The following CLUAP1 variants were observed in gnomAD, a reference collection of about 807,000 sequenced individuals.
CLUAP1 encodes the protein intraflagellar transport 38.
A neutral mutation model predicts 55.0 loss-of-function variants in CLUAP1; 50 were observed. That is an observed-to-expected ratio of 0.91 (90% confidence interval 0.72 to 1.15). The LOEUF (loss-of-function observed/expected upper bound fraction) is 1.15. Among genes scored for constraint, CLUAP1 ranks in the 50% most tolerant of loss-of-function variants. The pLI is 0.00. For synonymous variants in CLUAP1, 195 were observed against 175.4 expected (o/e 1.11, Z -0.88); for missense variants, 530 against 507.6 (o/e 1.04, Z -0.42).
chr16:3,530,245 A>G (rs1046321140), intron 9 of CLUAP1, among the ~76,000 whole-genome samples: 1 of 152,058 alleles, frequency 6.6e-6, no homozygotes, highest in Non-Finnish European at 1.5e-5. Flanking sequence ...TTGGGATTTA[A>G]GTTTCCAACA....
At chr16:3,532,652 C>A in intron 10 of CLUAP1, 134 bp from the exon 11 acceptor site, 1 of 843,968 alleles carries the variant, frequency 1.2e-6, no homozygotes, top group East Asian at 2.6e-5. Flanking sequence ...TCCTGGCCTC[C>A]TGTCTCAGCC....
chr16:3,510,839 C>T (rs943179453), intron 4 of CLUAP1, among the ~76,000 whole-genome samples: 1 of 152,234 alleles, frequency 6.6e-6, no homozygotes, highest in African/African-American at 2.4e-5. Context: ...TCTGCACATG[C>T]TCCATTTGCC....
chr16:3,535,813 G>A (rs540769285), intron 11 of CLUAP1: 3 of 297,874 alleles, frequency 1.0e-5, no homozygotes, highest in African/African-American at 6.4e-5. Flanking sequence ...TCTGTAGGGG[G>A]AGTCTCTAGG....
chr16:3,529,645 A>G (rs1596403445), intron 9 of CLUAP1, among the ~76,000 whole-genome samples: 1 of 24,888 alleles, frequency 4.0e-5, no homozygotes, highest in Non-Finnish European at 5.6e-5. Flanking sequence ...ATTATATATT[A>G]TATATTATTA....
intron 9 of CLUAP1, among the ~76,000 whole-genome samples, chr16:3,529,805 T>TA (rs1266613669): frequency 3.7e-5 from 1 of 27,102 alleles, no homozygotes. Context: ...TATATTATTA[T>TA]ATATATATTA....
At chr16:3,531,317 G>A (rs1246800424) in intron 10 of CLUAP1, among the ~76,000 whole-genome samples, 1 of 152,028 alleles carries the variant, frequency 6.6e-6, no homozygotes, top group Non-Finnish European at 1.5e-5. Flanking sequence ...TCAAGAGATC[G>A]AGACCATCCT....
In CLUAP1 at chr16:3,508,422, T is replaced by C. The variant is rs184112939; in HGVS notation, c.353T>C (p.Ile118Thr). Reference sequence around the variant, plus strand: ...ACCAAGGGGATGGAGGGCTCTGAAATAGTAGAGGAAGATGTCAACAAGTTC... The same window carrying C: ...ACCAAGGGGATGGAGGGCTCTGAAACAGTAGAGGAAGATGTCAACAAGTTC... ...MKTKGMEGSE[I>T]VEEDVNKFKF... Residue 118 changes from isoleucine to threonine, a missense_variant, in exon 4 of 12, where the codon ATA becomes ACA. Transcript: ENST00000576634. 1.5e-4 allele frequency: 232 copies of C among 1,590,642 alleles called. No individual in the cohort carries two copies. The highest frequency in any genetic ancestry group is 1.9e-4 in the Non-Finnish European group (222 of 1,174,328).
At chr16:3,523,402 C>A in intron 8 of CLUAP1, 103 bp downstream of exon 8, 1 of 1,323,746 alleles carries the variant, frequency 7.6e-7, no homozygotes, top group Non-Finnish European at 1.0e-6. Flanking sequence ...AATATCAGTA[C>A]ATGTTTTTTC....
At chr16:3,501,777 C>CA (rs934863273) in intron 1 of CLUAP1, among the ~76,000 whole-genome samples, 1 of 150,420 alleles carries the variant, frequency 6.6e-6, no homozygotes, top group Non-Finnish European at 1.5e-5. Flanking sequence ...TCTCAAAAAA[C>CA]AAAAAACAAA....
chr16:3,513,452 A>T (rs2037671200), intron 5 of CLUAP1, among the ~76,000 whole-genome samples: 1 of 151,466 alleles, frequency 6.6e-6, no homozygotes, highest in Admixed American at 6.6e-5. Context: ...TTATTTTTTT[A>T]ATTTTGTTAT....
chr16:3,500,916 C>T (rs2151036719), upstream of CLUAP1: 2 of 802,788 alleles, frequency 2.5e-6, no homozygotes, highest in South Asian at 1.6e-5. Flanking sequence ...TGCGTATGCA[C>T]GTGCCGCCGC....
At chr16:3,498,367 T>C (rs149643610), upstream of CLUAP1, among the ~76,000 whole-genome samples, 352 of 152,204 alleles carry the variant, frequency 2.3e-3, 5 homozygotes, top group African/African-American at 7.7e-3. Flanking sequence ...TGAAAAATAA[T>C]GTTTTACCAG....
rs1443424622 is a variant in CLUAP1, at chr16:3,537,775, G to A, written c.*1504G>A. ...GCACTTTGAGAGGCTGAGGTGGGTAGATCACCTGAGGTCAGGGGTTTGAGA... is the reference window on the plus strand; with the variant it reads ...GCACTTTGAGAGGCTGAGGTGGGTAAATCACCTGAGGTCAGGGGTTTGAGA... On this transcript the variant is annotated 3_prime_UTR_variant, in exon 12 of 12. Coordinates refer to ENST00000576634, the MANE Select transcript of CLUAP1 (RefSeq NM_015041.3). 1 of 151,828 alleles carries A rather than the reference G, an allele frequency of 6.6e-6. No individual in the cohort carries two copies. Among genetic ancestry groups the A allele is most frequent in the African/African-American group, 2.4e-5 (1 of 41,106 alleles). 9.4% of individuals were successfully genotyped at this position (151,828 alleles called of 1,614,324 possible). A position where few individuals can be genotyped will look rare whatever the true frequency, so the allele number is the denominator to read the frequency against.
chr16:3,505,326 C>G (rs1269744797), intron 2 of CLUAP1, among the ~76,000 whole-genome samples: 1 of 152,086 alleles, frequency 6.6e-6, no homozygotes, highest in Non-Finnish European at 1.5e-5. Context: ...GTCAGGAGAT[C>G]AAGACCATCC....
intron 8 of CLUAP1, among the ~76,000 whole-genome samples, chr16:3,526,186 T>A (rs1426649483): frequency 1.3e-5 from 2 of 152,154 alleles, no homozygotes; most frequent in Admixed American, 1.3e-4. Context: ...TGCTTCACTC[T>A]GGGCGCCCCT....
At chr16:3,506,287 C>T in intron 2 of CLUAP1, 44 bp from the exon 3 acceptor site, 1 of 1,494,658 alleles carries the variant, frequency 6.7e-7, no homozygotes, top group Non-Finnish European at 9.3e-7. Flanking sequence ...AGTAGACTTT[C>T]TCCTTGGTTA....
At chr16:3,506,533 G>C (rs2151043049) in intron 3 of CLUAP1, 118 bp downstream of exon 3, 2 of 824,308 alleles carry the variant, frequency 2.4e-6, no homozygotes, top group East Asian at 2.6e-5. Flanking sequence ...TTTTGAGATG[G>C]AGTCTCATTC....
chr16:3,498,742 C>T (rs1343155109), upstream of CLUAP1, among the ~76,000 whole-genome samples: 2 of 152,066 alleles, frequency 1.3e-5, no homozygotes, highest in East Asian at 1.9e-4. Context: ...CGCCTGTAGT[C>T]CCAGCTACTT....
intron 9 of CLUAP1, 23 bp from the exon 10 acceptor site, chr16:3,530,545 T>C (rs1280144493): frequency 6.3e-7 from 1 of 1,588,146 alleles, no homozygotes; most frequent in South Asian, 1.1e-5. Context: ...CTCCTTTGTT[T>C]TGCCTGCTTG....
Sources: allele counts gnomAD v4.1 joint callset (sites outside exome capture counted in the v4.1 genomes callset), GRCh38; gene constraint gnomAD v4.1.1; transcripts MANE v1.5; gene names NCBI Gene and HGNC (gene_info 2026-07-23, HGNC 2026-07-21).